TBC1D30: variants seen among roughly 807,000 people sequenced by gnomAD.
TBC1D30 encodes TBC1 domain family member 30.
TBC1D30 carries 31 observed loss-of-function variants against 63.2 expected under a neutral mutation model. The ratio of observed to expected loss-of-function variants is 0.49; its 90% confidence interval spans 0.37 to 0.66. The LOEUF is 0.66. TBC1D30 is among the 30% of genes least tolerant of loss of function. The pLI is 0.00. For synonymous variants in TBC1D30, 307 were observed against 361.5 expected (o/e 0.85, Z 1.71); for missense variants, 810 against 953.6 (o/e 0.85, Z 1.98).
In TBC1D30 at chr12:64,875,610, A is replaced by T; in HGVS notation, c.2108A>T (p.Asn703Ile). 6.5e-7 allele frequency: 1 copy of T among 1,536,174 alleles called. No homozygotes were observed. The highest frequency in any genetic ancestry group is 8.7e-7 in the Non-Finnish European group (1 of 1,146,918). ...KATSKAPQGS[N>I]SKTPIFSPFP... Reference sequence around the variant, plus strand: ...ACCAGCAAAGCTCCCCAAGGCAGCAACTCAAAAACCCCCATCTTTAGCCCT... The same window carrying T: ...ACCAGCAAAGCTCCCCAAGGCAGCATCTCAAAAACCCCCATCTTTAGCCCT... The change falls in exon 12 of 12, where the codon AAC (asparagine) becomes ATC (isoleucine). Residue 703 changes from asparagine to isoleucine, a missense_variant. By Grantham distance (149) the Asn-to-Ile change is moderately radical. Around this residue, in one of 4 missense-constraint regions of TBC1D30, gnomAD observed 450 missense variants for 473.0 expected, o/e 0.95. Transcript: ENST00000539867.
Position 64,781,264 on chromosome 12 carries a change from G to C in TBC1D30, c.456G>C (p.Gln152His), listed in dbSNP as rs774442374. 2.6e-6 allele frequency: 3 copies of C among 1,153,198 alleles called. No homozygotes were observed. In the East Asian group the frequency reaches 3.0e-4, roughly 116 times the overall value. 71.4% of individuals were successfully genotyped at this position (1,153,198 alleles called of 1,614,324 possible). Reference sequence around the variant, plus strand: ...AGGAGCGACCGAGCCAGCGGCATCAGATGCTGTACCTGCGGCAGAAAGGTG... The same window carrying C: ...AGGAGCGACCGAGCCAGCGGCATCACATGCTGTACCTGCGGCAGAAAGGTG... The change falls in exon 1 of 13, where the codon CAG becomes CAC. Residue 152 changes from glutamine (Q) to histidine (H), a missense_variant. Gln to His is a conservative substitution (Grantham distance 24). Coordinates refer to the TBC1D30 transcript ENST00000542120.
intron 2 of TBC1D30, among the ~76,000 whole-genome samples, chr12:64,789,777 C>CT (rs945177911): frequency 1.6e-4 from 24 of 151,944 alleles, no homozygotes; most frequent in Non-Finnish European, 2.2e-4. Flanking sequence ...GAAGATCATA[C>CT]TTTTTTTTCC....
At chr12:64,836,231 C>CT (rs1261078618) in intron 5 of TBC1D30, among the ~76,000 whole-genome samples, 6 of 152,196 alleles carry the variant, frequency 3.9e-5, no homozygotes, top group Non-Finnish European at 2.9e-5. Flanking sequence ...ATGGGCCGAA[C>CT]TCAGGTCTAG....
chr12:64,855,093 G>A (rs1049351526), intron 8 of TBC1D30, among the ~76,000 whole-genome samples: 1 of 151,418 alleles, frequency 6.6e-6, no homozygotes, highest in African/African-American at 2.4e-5. Flanking sequence ...TAGGGTAGAA[G>A]TTTTTTTTTC....
chr12:64,864,667 GA>G lies in TBC1D30; in HGVS notation c.1039del (p.Thr347LeufsTer16), dbSNP rs1354746364. On this transcript the variant is annotated frameshift_variant and splice_region_variant, in exon 9 of 12. Coordinates refer to ENST00000539867, the MANE Select transcript of TBC1D30 (RefSeq NM_015279.2). LOFTEE classifies it high-confidence loss of function. ...DLLQSHELMQ[T>X]VYSMAPFPFP... ...TTGGCATTTTTGCTTTTGTTTTACA[GA>G]CTGTTTATTCCATGGCTCCGTTCCC... The G allele has an allele frequency of 6.5e-7, 1 of 1,535,056 alleles. No homozygotes were observed. The highest frequency in any genetic ancestry group is 1.4e-5 in the African/African-American group (1 of 72,996).
chr12:64,787,467 T>C, intron 2 of TBC1D30: 4 of 649,456 alleles, frequency 6.2e-6, no homozygotes, highest in Non-Finnish European at 7.7e-6. Flanking sequence ...CTTTTGTTGC[T>C]CTTTCACTCT....
Position 64,824,826 on chromosome 12 carries a change from G to T in TBC1D30, c.-54G>T. On this transcript the variant is annotated 5_prime_UTR_variant, in exon 1 of 12. Transcript: ENST00000539867. ...GCGAGCTCAGCCGCTCAGCGAGTGGGGTAGCGGGGACCGAGACGGACGGTA... is the reference window on the plus strand; with the variant it reads ...GCGAGCTCAGCCGCTCAGCGAGTGGTGTAGCGGGGACCGAGACGGACGGTA... 6.6e-7 allele frequency: 1 copy of T among 1,518,638 alleles called. No individual in the cohort carries two copies. Among genetic ancestry groups the T allele is most frequent in the South Asian group, 1.2e-5 (1 of 81,092 alleles). The allele number at this position is 1,518,638 out of a possible 1,614,324, so 94.1% of individuals were successfully genotyped here. A position where few individuals can be genotyped will look rare whatever the true frequency, so the allele number is the denominator to read the frequency against.
chr12:64,874,017 A>G (rs1878854379), intron 11 of TBC1D30, among the ~76,000 whole-genome samples: 1 of 152,190 alleles, frequency 6.6e-6, no homozygotes, highest in East Asian at 1.9e-4. Context: ...TGCATTGGAA[A>G]TAGGAGTCTG....
intron 2 of TBC1D30, among the ~76,000 whole-genome samples, chr12:64,815,136 T>C (rs1428782281): frequency 6.6e-6 from 1 of 152,244 alleles, no homozygotes; most frequent in East Asian, 1.9e-4. Context: ...TTAACCTTTA[T>C]CTCTAGAACA....
intron 7 of TBC1D30, among the ~76,000 whole-genome samples, chr12:64,839,713 C>A (rs1417570214): frequency 6.6e-6 from 1 of 152,084 alleles, no homozygotes; most frequent in African/African-American, 2.4e-5. Context: ...AAAGAAAGAT[C>A]CACCAACTAT....
At chr12:64,803,214 T>C (rs1368804891) in intron 2 of TBC1D30, among the ~76,000 whole-genome samples, 1 of 152,254 alleles carries the variant, frequency 6.6e-6, no homozygotes, top group African/African-American at 2.4e-5. Context: ...TGGCATTTCC[T>C]TGTGGTTTTG....
chr12:64,843,433 T>A lies in TBC1D30; in HGVS notation c.986T>A (p.Leu329His), dbSNP rs1423512101. The A allele has an allele frequency of 1.3e-6, 2 of 1,536,262 alleles. No individual in the cohort carries two copies. Among genetic ancestry groups the A allele is most frequent in the South Asian group, 1.2e-5 (1 of 84,064 alleles). The change falls in exon 8 of 12, where the codon CTT becomes CAT. Residue 329 changes from leucine to histidine, a missense_variant. Physicochemically the swap from Leu to His is moderately conservative, Grantham distance 99 (BLOSUM62 -3). Coordinates refer to ENST00000539867, the MANE Select transcript of TBC1D30 (RefSeq NM_015279.2). ...GAATTCTACAGCACCATGGGGCGCCTTACCCAGGAGATGCTAGAGAATGAT... is the reference window on the plus strand; with the variant it reads ...GAATTCTACAGCACCATGGGGCGCCATACCCAGGAGATGCTAGAGAATGAT... ...ADEFYSTMGR[L>H]TQEMLENDLL...
At position 64,828,573 on chromosome 12, in the gene TBC1D30, G is replaced by A. The variant is rs1019681967; in HGVS notation, c.282+64G>A. The A allele has an allele frequency of 3.3e-5, 35 of 1,074,726 alleles. No individual in the cohort carries two copies. The African/African-American group carries it at 4.9e-4, about 15-fold the overall frequency. 66.6% of individuals were successfully genotyped at this position (1,074,726 alleles called of 1,614,324 possible). A position where few individuals can be genotyped will look rare whatever the true frequency, so the allele number is the denominator to read the frequency against. ...TCACTGCCCTTCTTTAGAGCCTCTGGAATGTCAAAAAATATATTCTAGGTT... is the reference window on the plus strand; with the variant it reads ...TCACTGCCCTTCTTTAGAGCCTCTGAAATGTCAAAAAATATATTCTAGGTT... On this transcript the variant is annotated intron_variant, in intron 3 of 11. Coordinates refer to ENST00000539867, the MANE Select transcript of TBC1D30 (RefSeq NM_015279.2).
At chr12:64,828,659 T>C in intron 3 of TBC1D30, 150 bp downstream of exon 3, 1 of 632,610 alleles carries the variant, frequency 1.6e-6, no homozygotes, top group Non-Finnish European at 2.7e-6. Flanking sequence ...TTGATTATTC[T>C]GTGCCAAGTA....
Position 64,824,720 on chromosome 12 carries a change from TC to T in TBC1D30, c.-156del. 3.0e-6 allele frequency: 3 copies of T among 1,012,948 alleles called. No homozygotes were observed. The highest frequency in any genetic ancestry group is 4.1e-6 in the Non-Finnish European group (3 of 730,608). The allele number at this position is 1,012,948 out of a possible 1,614,324, so 62.7% of individuals were successfully genotyped here. On this transcript the variant is annotated 5_prime_UTR_variant, in exon 1 of 12. Coordinates refer to ENST00000539867, the MANE Select transcript of TBC1D30 (RefSeq NM_015279.2). ...GGCGGCTCCCGCGGTGCCCCGTAAG[TC>T]CCCGTGACCCTCCAGCACCAGCCGG...
At chr12:64,824,009 C>G (rs1050684092), upstream of TBC1D30, among the ~76,000 whole-genome samples, 2 of 150,502 alleles carry the variant, frequency 1.3e-5, no homozygotes, top group Non-Finnish European at 2.9e-5. Flanking sequence ...CCCCCCCACA[C>G]CCTTTCTTTC....
upstream of TBC1D30, among the ~76,000 whole-genome samples, chr12:64,821,576 C>T (rs577683451): frequency 8.5e-5 from 13 of 152,316 alleles, no homozygotes; most frequent in East Asian, 2.5e-3. Context: ...TTTCCCTCTC[C>T]TGCCAGTTCC....
rs543754210 is a variant in TBC1D30 at position 64,794,870 on chromosome 12, T to C, written c.643+8825T>C. On this transcript the variant is annotated intron_variant, in intron 2 of 12. Coordinates refer to the TBC1D30 transcript ENST00000542120. ...TGGGTTGCTATTTGAATGTTTCTTT[T>C]ATATGGTATCCTGTTCTTGTTTCAT... 3.3e-5 allele frequency among the ~76,000 whole-genome samples: 5 copies of C among 152,360 alleles called. No individual in the cohort carries two copies. In the East Asian group the frequency reaches 9.6e-4, roughly 29 times the overall value.
chr12:64,775,136 T>G (rs1871037186), intron 1 of TBC1D30, among the ~76,000 whole-genome samples: 1 of 150,618 alleles, frequency 6.6e-6, no homozygotes, highest in Non-Finnish European at 1.5e-5. Flanking sequence ...TATAGATATA[T>G]ATGGAAGGAA....
Sources: allele counts gnomAD v4.1 joint callset (sites outside exome capture counted in the v4.1 genomes callset), GRCh38; gene constraint gnomAD v4.1.1; regional missense constraint gnomAD v4.1.1; transcripts MANE v1.5; gene names NCBI Gene and HGNC (gene_info 2026-07-23, HGNC 2026-07-21).